The following PRKN variants were observed in gnomAD, a reference collection of about 807,000 sequenced individuals.
PRKN encodes the protein parkin RBR E3 ubiquitin protein ligase, also known as E3 ubiquitin-protein ligase parkin.
A neutral mutation model predicts 59.5 loss-of-function variants in PRKN; 56 were observed. The observed-to-expected ratio is 0.94, with a 90% CI of 0.76 to 1.18. The LOEUF (loss-of-function observed/expected upper bound fraction) is 1.18. Ranked by LOEUF, PRKN falls within the 50% of genes most tolerant of loss-of-function variation. The probability of loss-of-function intolerance (pLI) is 0.00; values close to 1 mark genes in which losing one functional copy is unlikely to be tolerated. For synonymous variants in PRKN, 250 were observed against 222.1 expected (o/e 1.13, Z -1.12); for missense variants, 657 against 596.4 (o/e 1.10, Z -1.06).
chr6:161,680,475 AG>A (rs1387735284), intron 7 of PRKN, among the ~76,000 whole-genome samples: 3 of 152,040 alleles, frequency 2.0e-5, no homozygotes, highest in Non-Finnish European at 4.4e-5. Flanking sequence ...GGCCTAAATG[AG>A]GGGTGCCCTT....
rs989360190 is a variant in PRKN, at chr6:161,684,242, T to TA, written c.871+101529dup. On this transcript the variant is annotated intron_variant, in intron 7 of 11. Transcript: ENST00000366898. ...AAAAAAATTTTCATTTTAAGGCTGT[T>TA]AAAAAAATTTATTTATTATTACAAC... 3.3e-5 allele frequency among the ~76,000 whole-genome samples: 5 copies of TA among 152,114 alleles called. No individual in the cohort carries two copies. In the East Asian group the frequency reaches 9.7e-4, roughly 29 times the overall value.
At chr6:161,601,068 T>C (rs1350919343) in intron 7 of PRKN, among the ~76,000 whole-genome samples, 1 of 152,220 alleles carries the variant, frequency 6.6e-6, no homozygotes, top group African/African-American at 2.4e-5. Context: ...TATGAATCTT[T>C]TCTAAATAAT....
intron 9 of PRKN, among the ~76,000 whole-genome samples, chr6:161,421,164 A>G (rs538463457): frequency 2.6e-5 from 4 of 152,144 alleles, no homozygotes; most frequent in Non-Finnish European, 5.9e-5. Flanking sequence ...CAGGCACTCG[A>G]GGGCCCATAC....
chr6:162,568,586 G>T (rs981935059), intron 1 of PRKN: 9 of 853,510 alleles, frequency 1.1e-5, no homozygotes, highest in Non-Finnish European at 1.2e-5. Context: ...AGAAGGAGAA[G>T]GAGCAGATCA....
Position 162,392,146 on chromosome 6 carries a change from C to CA in PRKN, c.171+51163dup, listed in dbSNP as rs558240602. 2.1e-3 allele frequency among the ~76,000 whole-genome samples: 306 copies of CA among 144,410 alleles called. 1 individual carries two copies. The highest frequency in any genetic ancestry group is 5.2e-3 in the African/African-American group (204 of 39,448). The allele number at this position is 144,410 out of a possible 152,430, so 94.7% of individuals were successfully genotyped here. A position where few individuals can be genotyped will look rare whatever the true frequency, so the allele number is the denominator to read the frequency against. ...AAAGCAATATGCCCAAAATCTTTTA[C>CA]AAAAAAAAAAGCTTTCTTGCATCTG... On this transcript the variant is annotated intron_variant, in intron 2 of 11. Transcript: ENST00000366898.
chr6:161,517,696 C>T (rs551783927), intron 9 of PRKN, among the ~76,000 whole-genome samples: 5 of 130,064 alleles, frequency 3.8e-5, no homozygotes, highest in South Asian at 5.0e-4. Flanking sequence ...GCCGAGATCG[C>T]GTCACTGCAC....
intron 2 of PRKN, among the ~76,000 whole-genome samples, chr6:162,394,803 A>G (rs955654298): frequency 6.6e-6 from 1 of 152,222 alleles, no homozygotes; most frequent in Non-Finnish European, 1.5e-5. Context: ...GTGAATAGAA[A>G]AGTAGCCTAT....
intron 4 of PRKN, among the ~76,000 whole-genome samples, chr6:162,084,031 CAT>C (rs1157744703): frequency 6.6e-6 from 1 of 151,930 alleles, no homozygotes; most frequent in Non-Finnish European, 1.5e-5. Flanking sequence ...TTGAAATACA[CAT>C]AGCATTCTCA....
In PRKN at chr6:161,353,296, GAA is replaced by G. The variant is rs1284404103; in HGVS notation, c.1286-3087_1286-3086del. ...TGTGGGTTATAAGACCCGGATTTCA[GAA>G]AGAGTCCTGTCCATCCCCTGGAGGA... On this transcript the variant is annotated intron_variant, in intron 11 of 11. Transcript: ENST00000366898. This position sits in a 1 kb window ranked among gnomAD's most constrained non-coding sequence, Gnocchi z 4.8. Among the ~76,000 whole-genome samples the G allele has an allele frequency of 6.6e-6, 1 of 152,166 alleles. No individual in the cohort carries two copies. The highest frequency in any genetic ancestry group is 2.4e-5 in the African/African-American group (1 of 41,450).
intron 2 of PRKN, among the ~76,000 whole-genome samples, chr6:162,333,742 G>C (rs555548357): frequency 6.6e-6 from 1 of 150,774 alleles, no homozygotes; most frequent in Non-Finnish European, 1.5e-5. Flanking sequence ...GAAAGGCAGA[G>C]TTGCATGTCT....
At chr6:161,659,247 G>C (rs1278308337) in intron 7 of PRKN, among the ~76,000 whole-genome samples, 2 of 152,288 alleles carry the variant, frequency 1.3e-5, no homozygotes, top group Non-Finnish European at 2.9e-5. Context: ...TGGGCACATA[G>C]AGCATATACG....
intron 4 of PRKN, among the ~76,000 whole-genome samples, chr6:162,090,890 A>G (rs1341643693): frequency 3.9e-5 from 6 of 152,176 alleles, no homozygotes. Flanking sequence ...GACAGACGCC[A>G]CAGTCTGAGT....
intron 4 of PRKN, among the ~76,000 whole-genome samples, chr6:162,105,175 G>A (rs1463426758): frequency 6.6e-6 from 1 of 152,152 alleles, no homozygotes; most frequent in Non-Finnish European, 1.5e-5. Flanking sequence ...GAAAATCTGA[G>A]AGGTTTTACA....
chr6:161,594,481 T>C (rs1296098627), intron 7 of PRKN, among the ~76,000 whole-genome samples: 2 of 152,180 alleles, frequency 1.3e-5, no homozygotes, highest in African/African-American at 4.8e-5. Context: ...GAACAACAAA[T>C]TCATGTCACT....
intron 4 of PRKN, among the ~76,000 whole-genome samples, chr6:162,192,885 G>A (rs901225873): frequency 6.6e-5 from 10 of 152,210 alleles, no homozygotes; most frequent in African/African-American, 1.9e-4. Context: ...AATGCAAAGC[G>A]ACATCTGGTA....
At chr6:161,937,408 A>G (rs1779398933) in intron 6 of PRKN, among the ~76,000 whole-genome samples, 1 of 152,260 alleles carries the variant, frequency 6.6e-6, no homozygotes, top group Non-Finnish European at 1.5e-5. Context: ...TATTGGTCGC[A>G]GCAGTAATTT....
intron 6 of PRKN, among the ~76,000 whole-genome samples, chr6:161,958,880 C>CA (rs35807437): frequency 0.029 from 3,660 of 124,434 alleles, 156 homozygotes; most frequent in African/African-American, 0.11. Flanking sequence ...AACTCCATCT[C>CA]AAAAAAAAAA....
rs370961782 is a variant in PRKN at position 161,429,695 on chromosome 6, G to C, written c.1084-42818C>G. The stretch of plus-strand genomic sequence containing the variant: ...GGAATCCAGAAGTTCCAGTCCGAGG[G>C]TGTGTGGGAGGAGGGTGAGTTTCAG... On this transcript the variant is annotated intron_variant, in intron 9 of 11. Transcript: ENST00000366898. This position sits in a 1 kb window ranked among gnomAD's most constrained non-coding sequence, Gnocchi z 4.2. Among the ~76,000 whole-genome samples, 8 of 152,154 alleles carry C rather than the reference G, an allele frequency of 5.3e-5. No individual in the cohort carries two copies. The highest frequency in any genetic ancestry group is 1.9e-4 in the African/African-American group (8 of 41,420).
rs1480141905 is a variant in PRKN at position 161,440,244 on chromosome 6, C to T, written c.1084-53367G>A. Among the ~76,000 whole-genome samples, 1 of 152,150 alleles carries T rather than the reference C, an allele frequency of 6.6e-6. No individual in the cohort carries two copies. The highest frequency in any genetic ancestry group is 1.5e-5 in the Non-Finnish European group (1 of 68,024). ...CTGGGATTACAGGTGTGAGACACTG[C>T]GCCTGGCCTGGCCCTAAGTTTTTAC... On this transcript the variant is annotated intron_variant, in intron 9 of 11. Transcript: ENST00000366898. This position sits in a 1 kb window ranked among gnomAD's most constrained non-coding sequence, Gnocchi z 4.1.
Sources: allele counts gnomAD v4.1 joint callset (sites outside exome capture counted in the v4.1 genomes callset), GRCh38; gene constraint gnomAD v4.1.1; non-coding constraint Gnocchi (gnomAD v3.1); transcripts MANE v1.5; gene names NCBI Gene and HGNC (gene_info 2026-07-23, HGNC 2026-07-21).